The following EBF1 variants were observed in gnomAD, a reference collection of about 807,000 sequenced individuals.
The protein encoded by EBF1 is transcription factor COE1.
A neutral mutation model predicts 68.4 loss-of-function variants in EBF1; 10 were observed. That is an observed-to-expected ratio of 0.15 (90% CI 0.09 to 0.25). EBF1 has a LOEUF of 0.25. EBF1 is among the 10% of genes least tolerant of loss of function. The pLI is 1.00. For missense variants in EBF1, 509 were observed against 794.4 expected (o/e 0.64, Z 4.32); for synonymous variants, 298 against 299.8 (o/e 0.99, Z 0.06).
chr5:158,781,875 T>C (rs1776511881), intron 9 of EBF1, among the ~76,000 whole-genome samples: 1 of 152,150 alleles, frequency 6.6e-6, no homozygotes, highest in Non-Finnish European at 1.5e-5. Flanking sequence ...AAATACAATC[T>C]CATCATATTA....
In EBF1 at chr5:158,799,395, C is replaced by T. The variant is rs548712496; in HGVS notation, c.779-2920G>A. ...TATGACTGCACCACTGTACTCCAGA[C>T]AGAGTGAGACTCTGTCTCTTAAAAT... is the stretch of plus-strand genomic sequence containing the variant. On this transcript the variant is annotated intron_variant, in intron 8 of 15. Transcript: ENST00000313708. Among the ~76,000 whole-genome samples the T allele has an allele frequency of 2.0e-5, 3 of 151,646 alleles. No individual in the cohort carries two copies. In the South Asian group the frequency reaches 6.3e-4, roughly 32 times the overall value.
intron 6 of EBF1, among the ~76,000 whole-genome samples, chr5:158,961,186 T>C (rs1479546951): frequency 6.6e-6 from 1 of 152,236 alleles, no homozygotes; most frequent in African/African-American, 2.4e-5. Context: ...AGGACGCCAG[T>C]GAACTGCACT....
rs12518856 is a variant in EBF1, at chr5:158,938,811, C to T, written c.555-98701G>A. 6.1e-3 allele frequency among the ~76,000 whole-genome samples: 932 copies of T among 152,280 alleles called. 15 individuals are homozygous for T. The highest frequency in any genetic ancestry group is 0.021 in the African/African-American group (891 of 41,540). On this transcript the variant is annotated intron_variant, in intron 6 of 15. Coordinates refer to ENST00000313708, the MANE Select transcript of EBF1 (RefSeq NM_024007.5). Reference sequence around the variant, plus strand: ...ACCTCACCTCCTAATAATATCACATCGGGGGTTGGAGCTTTGAAATAATGA... The same window carrying T: ...ACCTCACCTCCTAATAATATCACATTGGGGGTTGGAGCTTTGAAATAATGA...
At position 158,882,823 on chromosome 5, in the gene EBF1, C is replaced by T. The variant is rs560410927; in HGVS notation, c.555-42713G>A. Among the ~76,000 whole-genome samples the T allele has an allele frequency of 5.9e-5, 9 of 152,318 alleles. No homozygotes were observed. In the South Asian group the frequency reaches 1.0e-3, roughly 18 times the overall value. ...CTGTGTTACACACCATCGAGCACCT[C>T]GCACTGCAGGTGCACCCCAAGACGG... is the stretch of plus-strand genomic sequence containing the variant. On this transcript the variant is annotated intron_variant, in intron 6 of 15. Coordinates refer to ENST00000313708, the MANE Select transcript of EBF1 (RefSeq NM_024007.5).
chr5:158,952,217 G>A (rs1816169700), intron 6 of EBF1, among the ~76,000 whole-genome samples: 1 of 152,112 alleles, frequency 6.6e-6, no homozygotes, highest in South Asian at 2.1e-4. Context: ...AGAGATCCAG[G>A]GCCTTTTGTT....
intron 8 of EBF1, among the ~76,000 whole-genome samples, chr5:158,808,235 T>C (rs1016684157): frequency 6.6e-6 from 1 of 152,158 alleles, no homozygotes; most frequent in Non-Finnish European, 1.5e-5. Flanking sequence ...CTGACTCAAC[T>C]TCCTCAAAAA....
chr5:158,930,185 T>G (rs1810542860), intron 6 of EBF1, among the ~76,000 whole-genome samples: 1 of 152,156 alleles, frequency 6.6e-6, no homozygotes, highest in Admixed American at 6.5e-5. Context: ...TTTTTTCCTT[T>G]GGCTGCCAAT....
chr5:159,097,262 C>T, intron 1 of EBF1, 132 bp from the exon 2 acceptor site: 1 of 1,059,918 alleles, frequency 9.4e-7, no homozygotes, highest in Non-Finnish European at 1.3e-6. Flanking sequence ...GCGCTCTTCA[C>T]GCCCCTTCAG....
At chr5:159,007,208 A>C (rs1223079559) in intron 6 of EBF1, among the ~76,000 whole-genome samples, 1 of 152,216 alleles carries the variant, frequency 6.6e-6, no homozygotes, top group Non-Finnish European at 1.5e-5. Context: ...AGATGAATTA[A>C]AGGAACAGCT....
intron 6 of EBF1, among the ~76,000 whole-genome samples, chr5:158,939,190 G>A (rs534765299): frequency 3.2e-4 from 48 of 152,122 alleles, no homozygotes; most frequent in Non-Finnish European, 6.2e-4. Context: ...TATTATGTGC[G>A]GGACAAGGGC....
chr5:158,917,445 TA>T (rs1228982974), intron 6 of EBF1, among the ~76,000 whole-genome samples: 1 of 152,196 alleles, frequency 6.6e-6, no homozygotes, highest in Non-Finnish European at 1.5e-5. Context: ...CCTACCTGGA[TA>T]CCAGCTCCAC....
intron 6 of EBF1, among the ~76,000 whole-genome samples, chr5:158,894,794 CTT>C: frequency 6.6e-6 from 1 of 152,224 alleles, no homozygotes; most frequent in African/African-American, 2.4e-5. Flanking sequence ...TTTCAATGGG[CTT>C]TTACAACAAT....
At chr5:158,795,903 C>G (rs961093730) in intron 9 of EBF1, among the ~76,000 whole-genome samples, 12 of 152,102 alleles carry the variant, frequency 7.9e-5, no homozygotes, top group Admixed American at 7.2e-4. Flanking sequence ...AGTCAAGAAC[C>G]ACCTACACCT....
chr5:159,022,671 GA>G (rs759370377), intron 6 of EBF1, among the ~76,000 whole-genome samples: 3 of 152,138 alleles, frequency 2.0e-5, no homozygotes, highest in Non-Finnish European at 4.4e-5. Context: ...ATATAATGAA[GA>G]AGAAAAGGGA....
chr5:158,712,845 A>G, intron 13 of EBF1, 125 bp downstream of exon 13: 1 of 955,496 alleles, frequency 1.0e-6, no homozygotes, highest in Non-Finnish European at 1.4e-6. Flanking sequence ...TATCTTATAC[A>G]CATAAACTAA....
intron 6 of EBF1, among the ~76,000 whole-genome samples, chr5:159,070,088 G>A (rs1331354677): frequency 6.6e-6 from 1 of 152,072 alleles, no homozygotes; most frequent in African/African-American, 2.4e-5. Flanking sequence ...CAAAAATAAT[G>A]AAATCTGCTG....
intron 14 of EBF1, among the ~76,000 whole-genome samples, chr5:158,708,515 C>T (rs1758414578): frequency 6.6e-6 from 1 of 152,178 alleles, no homozygotes; most frequent in Admixed American, 6.5e-5. Context: ...CACCGAGTGC[C>T]TTTATGGGGC....
At chr5:158,848,633 G>T (rs1014245944) in intron 6 of EBF1, among the ~76,000 whole-genome samples, 1 of 152,182 alleles carries the variant, frequency 6.6e-6, no homozygotes, top group Non-Finnish European at 1.5e-5. Flanking sequence ...TATACTATAT[G>T]TAATTATGAT....
At chr5:159,045,210 T>G (rs1252072171) in intron 6 of EBF1, among the ~76,000 whole-genome samples, 1 of 152,180 alleles carries the variant, frequency 6.6e-6, no homozygotes, top group East Asian at 1.9e-4. Context: ...ATTTCTTCTT[T>G]TTTTAATGTT....
Sources: allele counts gnomAD v4.1 joint callset (sites outside exome capture counted in the v4.1 genomes callset), GRCh38; gene constraint gnomAD v4.1.1; transcripts MANE v1.5; gene names NCBI Gene and HGNC (gene_info 2026-07-23, HGNC 2026-07-21).